The following SIM2 variants were observed in gnomAD, a reference collection of about 807,000 sequenced individuals.
The protein encoded by SIM2 is SIM bHLH transcription factor 2.
Under a neutral mutation model 64.8 loss-of-function variants are expected in SIM2, and 28 were observed. The observed-to-expected ratio is 0.43, with a 90% CI of 0.32 to 0.59. The LOEUF is 0.59. SIM2 is among the 20% of genes least tolerant of loss of function. The pLI, the probability that SIM2 is intolerant of heterozygous loss-of-function variation, is 0.07. For synonymous variants in SIM2, 408 were observed against 391.1 expected, an observed-to-expected ratio of 1.04 and a Z score of -0.51; for missense variants, 847 against 871.4, an observed-to-expected ratio of 0.97 and a Z score of 0.35.
chr21:36,747,804 G>GCTGGCC lies in SIM2; in HGVS notation c.1718_1723dup (p.Leu573_Ala574dup). On this transcript the variant is annotated inframe_insertion, in exon 11 of 11. Coordinates refer to ENST00000290399, the MANE Select transcript of SIM2 (RefSeq NM_005069.6). The surrounding 1 kb of genome is among the most constrained non-coding windows in gnomAD (Gnocchi z 4.5). ...CCGCCCGGGACGGGGCGCGGCTGGC[G>GCTGGCC]CTGGCCCGCGCGGCACCCGAGTGCT... The GCTGGCC allele has an allele frequency of 9.6e-7, 1 of 1,038,054 alleles. No individual in the cohort carries two copies. The highest frequency in any genetic ancestry group is 1.2e-6 in the Non-Finnish European group (1 of 867,780). 64.3% of individuals were successfully genotyped at this position (1,038,054 alleles called of 1,614,324 possible).
At chr21:36,730,185 G>A (rs760537862) in intron 6 of SIM2, among the ~76,000 whole-genome samples, 2 of 152,170 alleles carry the variant, frequency 1.3e-5, no homozygotes, top group Non-Finnish European at 2.9e-5. Flanking sequence ...GTGCAACAGA[G>A]GTTTAAACAC....
In SIM2 at chr21:36,737,961, C is replaced by CAAAAAAAAAAAAAAAAAAAAAAA. The variant is rs61252184; in HGVS notation, c.851-3735_851-3734insAAAAAAAAAAAAAAAAAAAAAAA. ...TGGGCAAAAGAGCAAGACCCTGTCT[C>CAAAAAAAAAAAAAAAAAAAAAAA]AAAAAAAAAAAAAAAAAAAAAGCAA... On this transcript the variant is annotated intron_variant, in intron 7 of 10. Transcript: ENST00000290399. Among the ~76,000 whole-genome samples, 36 of 34,120 alleles carry CAAAAAAAAAAAAAAAAAAAAAAA rather than the reference C, an allele frequency of 1.1e-3. 3 individuals carry two copies. The highest frequency in any genetic ancestry group is 2.1e-3 in the South Asian group (1 of 478). The allele number at this position is 34,120 out of a possible 152,430, so 22.4% of individuals were successfully genotyped here. A position where few individuals can be genotyped will look rare whatever the true frequency, so the allele number is the denominator to read the frequency against.
intron 8 of SIM2, among the ~76,000 whole-genome samples, chr21:36,742,933 C>T (rs936329119): frequency 6.6e-6 from 1 of 152,128 alleles, no homozygotes; most frequent in Non-Finnish European, 1.5e-5. Context: ...GATGGGCCCC[C>T]GATGTGAGAA....
chr21:36,744,360 G>A (rs2089201215), intron 9 of SIM2, among the ~76,000 whole-genome samples: 1 of 137,152 alleles, frequency 7.3e-6, no homozygotes, highest in Non-Finnish European at 1.6e-5. Flanking sequence ...GGGAGGGAGG[G>A]AGGGAAGGAA....
chr21:36,724,595 CT>C (rs567047613), intron 5 of SIM2, among the ~76,000 whole-genome samples: 1 of 152,010 alleles, frequency 6.6e-6, no homozygotes, highest in Non-Finnish European at 1.5e-5. Flanking sequence ...TGGGTCTTGA[CT>C]TTTTTTTGCC....
rs553190275 is a variant in SIM2 at position 36,726,886 on chromosome 21, G to A, written c.743+568G>A. Among the ~76,000 whole-genome samples the A allele has an allele frequency of 6.6e-6, 1 of 152,270 alleles. No homozygotes were observed. Among genetic ancestry groups the A allele is most frequent in the East Asian group, 1.9e-4 (1 of 5,188 alleles). On this transcript the variant is annotated intron_variant, in intron 6 of 10. Coordinates refer to ENST00000290399, the MANE Select transcript of SIM2 (RefSeq NM_005069.6). The surrounding 1 kb of genome is among the most constrained non-coding windows in gnomAD (Gnocchi z 4.5). ...CTGGGCTGGGAGGAGGGGATTGGAT[G>A]AGGTCATTTCTCCTGGCCTTGGGGA...
rs71326702 is a variant in SIM2, at chr21:36,746,312, C to CAA, written c.1576+1187_1576+1188dup. Reference sequence around the variant, plus strand: ...CCTGGGTAACAGAGTGAGACTGTCTCAAAAAAAAAAAAGAAAAAGAAAAAG... The same window carrying CAA: ...CCTGGGTAACAGAGTGAGACTGTCTCAAAAAAAAAAAAAAGAAAAAGAAAAAG... On this transcript the variant is annotated intron_variant, in intron 10 of 10. Coordinates refer to ENST00000290399, the MANE Select transcript of SIM2 (RefSeq NM_005069.6). 4.5e-3 allele frequency: 627 copies of CAA among 137,826 alleles called. 4 individuals carry two copies. Among genetic ancestry groups the CAA allele is most frequent in the African/African-American group, 0.014 (513 of 37,734 alleles). 8.5% of individuals were successfully genotyped at this position (137,826 alleles called of 1,614,324 possible).
chr21:36,702,104 C>G (rs937493339), intron 1 of SIM2, among the ~76,000 whole-genome samples: 2 of 152,214 alleles, frequency 1.3e-5, no homozygotes, highest in African/African-American at 4.8e-5. Flanking sequence ...GCTCAGCCAC[C>G]TTTAAACCGG....
At chr21:36,728,194 C>T (rs1456608074) in intron 6 of SIM2, among the ~76,000 whole-genome samples, 1 of 152,222 alleles carries the variant, frequency 6.6e-6, no homozygotes, top group Non-Finnish European at 1.5e-5. Context: ...GGAAGGACAT[C>T]AGCTGCCCAA....
intron 4 of SIM2, among the ~76,000 whole-genome samples, chr21:36,722,413 G>T (rs1272460527): frequency 2.0e-5 from 3 of 152,174 alleles, no homozygotes; most frequent in African/African-American, 7.2e-5. Flanking sequence ...CCACCAAAGG[G>T]CTGTTTATTT....
rs574570977 is a variant in SIM2, at chr21:36,747,042, C to G, written c.1577-623C>G. Among the ~76,000 whole-genome samples, 25 of 151,162 alleles carry G rather than the reference C, an allele frequency of 1.7e-4. No individual in the cohort carries two copies. In the South Asian group the frequency reaches 5.2e-3, roughly 32 times the overall value. ...TAGTGTTTAAAAACAAACAAACAAA[C>G]AAAGACAAAAAAAACCCACAAGCCA... On this transcript the variant is annotated intron_variant, in intron 10 of 10. Transcript: ENST00000290399. The surrounding 1 kb of genome is among the most constrained non-coding windows in gnomAD (Gnocchi z 4.5).
chr21:36,738,757 C>T (rs1190591958), intron 7 of SIM2, among the ~76,000 whole-genome samples: 3 of 152,226 alleles, frequency 2.0e-5, no homozygotes, highest in Non-Finnish European at 4.4e-5. Context: ...CACCATGTAT[C>T]TTTTCATTAG....
At chr21:36,701,992 T>C (rs746805303) in intron 1 of SIM2, among the ~76,000 whole-genome samples, 3 of 152,080 alleles carry the variant, frequency 2.0e-5, no homozygotes, top group Non-Finnish European at 4.4e-5. Context: ...AAACCAGAAA[T>C]TAGTAAGGGA....
At chr21:36,743,661 C>A in intron 9 of SIM2, 106 bp downstream of exon 9, 1 of 1,120,020 alleles carries the variant, frequency 8.9e-7, no homozygotes, top group Non-Finnish European at 1.3e-6. Context: ...CAGCAGGGAT[C>A]TCCCTGCCGT....
chr21:36,720,498 A>G (rs1439232367), intron 4 of SIM2: 1 of 152,510 alleles, frequency 6.6e-6, no homozygotes, highest in African/African-American at 2.4e-5. Context: ...GCTTATGCCC[A>G]CATGCCTACT....
At chr21:36,740,016 AAAG>A (rs2089137994) in intron 7 of SIM2, among the ~76,000 whole-genome samples, 1 of 38,098 alleles carries the variant, frequency 2.6e-5, no homozygotes, top group African/African-American at 4.4e-5. Flanking sequence ...AGAGAGAAAG[AAAG>A]AAAGAAAGAA....
intron 6 of SIM2, among the ~76,000 whole-genome samples, chr21:36,730,323 C>A (rs1250340391): frequency 1.3e-5 from 2 of 152,192 alleles, no homozygotes; most frequent in Non-Finnish European, 2.9e-5. Context: ...CAGACACATG[C>A]CTCAGCATGG....
At position 36,747,926 on chromosome 21, in the gene SIM2, G is replaced by C. The variant is rs1227133167; in HGVS notation, c.1838G>C (p.Gly613Ala). The C allele has an allele frequency of 2.9e-6, 3 of 1,038,260 alleles. No homozygotes were observed. In the African/African-American group the frequency reaches 5.2e-5, roughly 18 times the overall value. 64.3% of individuals were successfully genotyped at this position (1,038,260 alleles called of 1,614,324 possible). Residue 613 changes from glycine to alanine, a missense_variant, in exon 11 of 11, where the codon GGG (glycine) becomes GCG (alanine). Physicochemically the swap from Gly to Ala is moderately conservative, Grantham distance 60 (BLOSUM62 0). Around this residue, in one of 3 missense-constraint regions of SIM2, gnomAD observed 447 missense variants for 414.6 expected, o/e 1.08. Transcript: ENST00000290399. This position sits in a 1 kb window ranked among gnomAD's most constrained non-coding sequence, Gnocchi z 4.5. ...HRVLARRGPL[G>A]GAAPAASGLA... is the part of the protein sequence containing the mutation. ...GTGCTGGCCCGGCGCGGACCGCTGGGGGGCGCCGCACCCGCCGCCTCCGGC... is the reference window on the plus strand; with the variant it reads ...GTGCTGGCCCGGCGCGGACCGCTGGCGGGCGCCGCACCCGCCGCCTCCGGC...
Position 36,744,988 on chromosome 21 carries a change from A to G in SIM2, c.1428A>G (p.Ala476=). 1 of 1,614,242 alleles carries G rather than the reference A, an allele frequency of 6.2e-7. No homozygotes were observed. Among genetic ancestry groups the G allele is most frequent in the Non-Finnish European group, 8.5e-7 (1 of 1,180,050 alleles). Residue 476 remains alanine, a synonymous_variant, in exon 10 of 11, where the codon GCA becomes GCG. Transcript: ENST00000290399. ...CCCAAGGATCCCCTTGTGAGGTGGC[A>G]CGCTTTTTCCTGAGCACACTGCCAG... ...GQPQGSPCEV[A]RFFLSTLPAS... is the part of the protein sequence containing the mutation.
Sources: gnomAD v4.1 joint callset for allele counts (sites outside exome capture counted in the v4.1 genomes callset) on GRCh38, gnomAD v4.1.1 for gene constraint, gnomAD v4.1.1 regional missense constraint, Gnocchi (gnomAD v3.1) non-coding constraint, MANE v1.5 for transcripts, NCBI Gene and HGNC (gene_info 2026-07-23, HGNC 2026-07-21) for gene names.